The following BPNT2 variants were observed in gnomAD, a reference collection of about 807,000 sequenced individuals.
BPNT2 encodes the protein Golgi-resident adenosine 3',5'-bisphosphate 3'-phosphatase.
A neutral mutation model predicts 29.3 loss-of-function variants in BPNT2; 11 were observed. The observed-to-expected ratio is 0.38, with a 90% CI of 0.24 to 0.62. The LOEUF (loss-of-function observed/expected upper bound fraction) is 0.62. Among genes scored for constraint, BPNT2 ranks in the 20% least tolerant of loss-of-function variants. BPNT2 has a pLI of 0.62. For synonymous variants in BPNT2, 195 were observed against 187.7 expected (o/e 1.04, Z -0.32); for missense variants, 459 against 473.4 (o/e 0.97, Z 0.28).
At position 56,993,405 on chromosome 8, in the gene BPNT2, C is replaced by T; in HGVS notation, c.181G>A (p.Val61Met). The stretch of plus-strand genomic sequence containing the variant: ...ACAGCCAGCATCTCGCGCAAGTCCA[C>T]GGTGCCCCCATCGGCCGCGGCCGCG... ...GPAAAADGGT[V>M]DLREMLAVSV... The change falls in exon 1 of 5, where the codon GTG becomes ATG. Residue 61 changes from valine (V) to methionine (M), a missense_variant. Physicochemically the swap from Val to Met is conservative, Grantham distance 21. Coordinates refer to ENST00000262644, the MANE Select transcript of BPNT2 (RefSeq NM_017813.5). The T allele has an allele frequency of 1.2e-6, 2 of 1,600,786 alleles. No homozygotes were observed.
At chr8:56,982,884 C>G (rs1051623725) in intron 1 of BPNT2, among the ~76,000 whole-genome samples, 3 of 152,068 alleles carry the variant, frequency 2.0e-5, no homozygotes, top group African/African-American at 7.2e-5. Flanking sequence ...TTTGGTATAT[C>G]CATACAATGG....
Position 56,993,791 on chromosome 8 carries a change from A to T in BPNT2, c.-206T>A. ...CCACCAACGCCGCCCCGCGCGCCTG[A>T]CTCGCCAGGCAGCGCGCTCTAGGTT... On this transcript the variant is annotated 5_prime_UTR_variant, in exon 1 of 5. Coordinates refer to ENST00000262644, the MANE Select transcript of BPNT2 (RefSeq NM_017813.5). 1.6e-6 allele frequency: 1 copy of T among 612,802 alleles called. No homozygotes were observed. The highest frequency in any genetic ancestry group is 2.1e-6 in the Non-Finnish European group (1 of 486,990). 38.0% of individuals were successfully genotyped at this position (612,802 alleles called of 1,614,324 possible).
intron 4 of BPNT2, 60 bp from the exon 5 acceptor site, chr8:56,964,124 T>C (rs1169922153): frequency 1.6e-6 from 2 of 1,266,728 alleles, no homozygotes; most frequent in Non-Finnish European, 2.2e-6. Flanking sequence ...AGTAGCATAC[T>C]TTTTTGATTA....
intron 3 of BPNT2, 61 bp downstream of exon 3, chr8:56,977,989 A>T: frequency 9.5e-7 from 1 of 1,054,248 alleles, no homozygotes; most frequent in Non-Finnish European, 1.5e-6. Context: ...ACATGACAGT[A>T]AATACTATAG....
At position 56,961,893 on chromosome 8, in the gene BPNT2, C is replaced by G. The variant is rs1805843885; in HGVS notation, c.*1900G>C. 3 of 152,142 alleles carry G rather than the reference C, an allele frequency of 2.0e-5. No individual in the cohort carries two copies. The highest frequency in any genetic ancestry group is 4.4e-5 in the Non-Finnish European group (3 of 68,016). 9.4% of individuals were successfully genotyped at this position (152,142 alleles called of 1,614,324 possible). A position where few individuals can be genotyped will look rare whatever the true frequency, so the allele number is the denominator to read the frequency against. The stretch of plus-strand genomic sequence containing the variant: ...TGAACTAGTTTGCTTCCCATTAAAT[C>G]AGAGTTCCCATAAAACATTGAAATT... On this transcript the variant is annotated 3_prime_UTR_variant, in exon 5 of 5. Transcript: ENST00000262644.
chr8:56,989,096 C>T (rs2129206827), intron 1 of BPNT2, among the ~76,000 whole-genome samples: 1 of 152,284 alleles, frequency 6.6e-6, no homozygotes, highest in Admixed American at 6.5e-5. Flanking sequence ...ATACTTGTTA[C>T]ATCTGCTATA....
rs953996975 is a variant in BPNT2, at chr8:56,960,583, T to G, written c.*3210A>C. ...TAAAATAAAGAAAGAAACACTAAAA[T>G]TGGGGTAGCACATACCAAGACAAAC... is the stretch of plus-strand genomic sequence containing the variant. On this transcript the variant is annotated 3_prime_UTR_variant, in exon 5 of 5. Coordinates refer to ENST00000262644, the MANE Select transcript of BPNT2 (RefSeq NM_017813.5). 3.9e-5 allele frequency: 6 copies of G among 152,200 alleles called. No individual in the cohort carries two copies. In the East Asian group the frequency reaches 1.2e-3, roughly 29 times the overall value. The allele number at this position is 152,200 out of a possible 1,614,324, so 9.4% of individuals were successfully genotyped here.
intron 3 of BPNT2, among the ~76,000 whole-genome samples, chr8:56,967,451 A>G (rs780680433): frequency 9.2e-5 from 14 of 152,200 alleles, no homozygotes; most frequent in Non-Finnish European, 1.2e-4. Flanking sequence ...GAACAGCAGG[A>G]TAAGCGCTGG....
chr8:56,966,194 C>T lies in BPNT2; in HGVS notation c.805G>A (p.Ala269Thr), dbSNP rs756422743. 4 of 1,613,984 alleles carry T rather than the reference C, an allele frequency of 2.5e-6. No individual in the cohort carries two copies. The highest frequency in any genetic ancestry group is 3.4e-6 in the Non-Finnish European group (4 of 1,179,984). The change falls in exon 4 of 5, where the codon GCT becomes ACT. Residue 269 changes from alanine (A) to threonine (T), a missense_variant. Coordinates refer to ENST00000262644, the MANE Select transcript of BPNT2 (RefSeq NM_017813.5). Reference sequence around the variant, plus strand: ...CCACACAGGAAGAGGAACATACCAGCACCACCAGCTGGGATAATTGTAGTC... The same window carrying T: ...CCACACAGGAAGAGGAACATACCAGTACCACCAGCTGGGATAATTGTAGTC... ...NQTTIIPAGG[A>T]GYKVLALLDV...
Position 56,978,050 on chromosome 8 carries a change from C to T in BPNT2, c.646G>A (p.Ala216Thr). 1 of 1,551,138 alleles carries T rather than the reference C, an allele frequency of 6.4e-7. No homozygotes were observed. The highest frequency in any genetic ancestry group is 8.9e-7 in the Non-Finnish European group (1 of 1,123,132). Residue 216 changes from alanine to threonine, a missense_variant and splice_region_variant, in exon 3 of 5, where the codon GCT (alanine) becomes ACT (threonine). Coordinates refer to ENST00000262644, the MANE Select transcript of BPNT2 (RefSeq NM_017813.5). ...TTGAAAGTTCTAGCAAATTTCATAC[C>T]TGTATATTCGGAAAATGGCTTATGT... is the stretch of plus-strand genomic sequence containing the variant. ...VIHKPFSEYT[A>T]WAMVDGGSNV...
chr8:56,982,411 G>A lies in BPNT2; in HGVS notation c.388-2214C>T, dbSNP rs528817263. Among the ~76,000 whole-genome samples, 13 of 152,190 alleles carry A rather than the reference G, an allele frequency of 8.5e-5. 2 individuals are homozygous for A. In the South Asian group the frequency reaches 1.7e-3, roughly 19 times the overall value. Reference sequence around the variant, plus strand: ...ACTGGGATTACAGGCATGAGCCACCGCGCCTGGTAAATCTTTAAATATTTC... The same window carrying A: ...ACTGGGATTACAGGCATGAGCCACCACGCCTGGTAAATCTTTAAATATTTC... On this transcript the variant is annotated intron_variant, in intron 1 of 4. Coordinates refer to ENST00000262644, the MANE Select transcript of BPNT2 (RefSeq NM_017813.5).
At chr8:56,987,283 C>T (rs776336002) in intron 1 of BPNT2, among the ~76,000 whole-genome samples, 5 of 152,144 alleles carry the variant, frequency 3.3e-5, no homozygotes, top group Non-Finnish European at 7.3e-5. Flanking sequence ...ATGGAATGCC[C>T]AGAGATTTGG....
intron 1 of BPNT2, among the ~76,000 whole-genome samples, chr8:56,982,757 G>A (rs930264491): frequency 6.6e-6 from 1 of 152,148 alleles, no homozygotes; most frequent in Non-Finnish European, 1.5e-5. Context: ...TAAGAAAAAG[G>A]GGTAGATAGT....
chr8:56,989,641 TCTAA>T (rs916513541), intron 1 of BPNT2, among the ~76,000 whole-genome samples: 4 of 152,198 alleles, frequency 2.6e-5, no homozygotes, highest in African/African-American at 7.2e-5. Flanking sequence ...TTTAACAGTC[TCTAA>T]CTAGTTCCTA....
rs966578482 is a variant in BPNT2, at chr8:56,962,832, A to C, written c.*961T>G. 3.3e-5 allele frequency: 5 copies of C among 152,160 alleles called. No individual in the cohort carries two copies. Among genetic ancestry groups the C allele is most frequent in the African/African-American group, 7.2e-5 (3 of 41,436 alleles). 9.4% of individuals were successfully genotyped at this position (152,160 alleles called of 1,614,324 possible). On this transcript the variant is annotated 3_prime_UTR_variant, in exon 5 of 5. Transcript: ENST00000262644. The stretch of plus-strand genomic sequence containing the variant: ...CAAATTAAAAAAAAATACTAAAACA[A>C]AGTGTCTGAAGATAATGAAAGGCAG...
chr8:56,993,597 C>G lies in BPNT2; in HGVS notation c.-12G>C. 7.1e-7 allele frequency: 1 copy of G among 1,414,710 alleles called. No individual in the cohort carries two copies. The highest frequency in any genetic ancestry group is 9.3e-7 in the Non-Finnish European group (1 of 1,079,076). 87.6% of individuals were successfully genotyped at this position (1,414,710 alleles called of 1,614,324 possible). A position where few individuals can be genotyped will look rare whatever the true frequency, so the allele number is the denominator to read the frequency against. On this transcript the variant is annotated 5_prime_UTR_variant, in exon 1 of 5. Transcript: ENST00000262644. ...CCCATGGGGGCCATGGCGTGGGAAG[C>G]CGGGCGCTCCGGGCTGCGGCTCTCA...
intron 1 of BPNT2, among the ~76,000 whole-genome samples, chr8:56,988,596 T>C (rs1455559719): frequency 6.6e-6 from 1 of 152,324 alleles, no homozygotes; most frequent in South Asian, 2.1e-4. Context: ...GGCCCTGATA[T>C]TCCCCTTTCA....
At chr8:56,968,438 C>G (rs1220580069) in intron 3 of BPNT2, among the ~76,000 whole-genome samples, 1 of 150,518 alleles carries the variant, frequency 6.6e-6, no homozygotes, top group Non-Finnish European at 1.5e-5. Flanking sequence ...TAAGGAGTCC[C>G]TGAAAAAGAA....
intron 1 of BPNT2, among the ~76,000 whole-genome samples, chr8:56,982,970 G>C (rs1170281064): frequency 6.6e-6 from 1 of 152,094 alleles, no homozygotes; most frequent in Non-Finnish European, 1.5e-5. Context: ...CTTTGTGAAA[G>C]CATCAACATA....
Sources: gnomAD v4.1 joint callset for allele counts (sites outside exome capture counted in the v4.1 genomes callset) on GRCh38, gnomAD v4.1.1 for gene constraint, MANE v1.5 for transcripts, NCBI Gene and HGNC (gene_info 2026-07-23, HGNC 2026-07-21) for gene names.